The following RAB6A variants were observed in gnomAD, a reference collection of about 807,000 sequenced individuals.
RAB6A encodes RAB6A, member RAS oncogene family.
RAB6A carries 8 observed loss-of-function variants against 32.3 expected under a neutral mutation model. The ratio of observed to expected loss-of-function variants is 0.25; its 90% confidence interval spans 0.15 to 0.45. The LOEUF (loss-of-function observed/expected upper bound fraction) is 0.45, where lower values mean the gene tolerates loss of function less well. Among genes scored for constraint, RAB6A ranks in the 20% least tolerant of loss-of-function variants. The pLI is 1.00. For synonymous variants in RAB6A, 73 were observed against 82.1 expected (o/e 0.89, Z 0.60); for missense variants, 104 against 249.4 (o/e 0.42, Z 3.93).
intron 1 of RAB6A, among the ~76,000 whole-genome samples, chr11:73,749,297 C>T (rs1421060631): frequency 1.3e-5 from 2 of 151,810 alleles, no homozygotes; most frequent in African/African-American, 2.4e-5. Context: ...TTTATATAAG[C>T]GGGAGTTAAG....
chr11:73,696,218 A>T (rs1238828162), intron 6 of RAB6A, among the ~76,000 whole-genome samples: 1 of 151,978 alleles, frequency 6.6e-6, no homozygotes, highest in Admixed American at 6.6e-5. Flanking sequence ...TTTTATTGAG[A>T]CGGAATTTTG....
At chr11:73,699,346 A>G (rs570995707) in intron 6 of RAB6A, among the ~76,000 whole-genome samples, 13 of 151,996 alleles carry the variant, frequency 8.6e-5, no homozygotes, top group Admixed American at 5.2e-4. Context: ...GCAACCTCCA[A>G]CTCCTGGGGT....
intron 6 of RAB6A, among the ~76,000 whole-genome samples, chr11:73,688,507 C>T (rs1042202844): frequency 6.6e-6 from 1 of 152,084 alleles, no homozygotes; most frequent in African/African-American, 2.4e-5. Context: ...GTTCTGGCTC[C>T]GGAGAAATAA....
At chr11:73,689,581 A>G (rs1195913887) in intron 6 of RAB6A, among the ~76,000 whole-genome samples, 1 of 152,126 alleles carries the variant, frequency 6.6e-6, no homozygotes, top group African/African-American at 2.4e-5. Flanking sequence ...CCTCCTTTCT[A>G]TTGATTCCAG....
rs1204847998 is a variant in RAB6A at position 73,685,413 on chromosome 11, C to T, written c.496-5693G>A. 2.7e-5 allele frequency among the ~76,000 whole-genome samples: 4 copies of T among 150,530 alleles called. 1 individual carries two copies. The South Asian group carries it at 8.5e-4, about 32-fold the overall frequency. ...AAGCTGTTCTCCTGCCTCAGCCTCC[C>T]GAGTAGCTGGGACTACAGGTGCCTG... On this transcript the variant is annotated intron_variant, in intron 6 of 7. Transcript: ENST00000336083.
chr11:73,692,104 T>A (rs1205493864), intron 6 of RAB6A, among the ~76,000 whole-genome samples: 1 of 152,082 alleles, frequency 6.6e-6, no homozygotes, highest in Non-Finnish European at 1.5e-5. Context: ...ACAATACTAC[T>A]CAGCAGACCA....
At chr11:73,755,588 C>T (rs530526444) in intron 1 of RAB6A, among the ~76,000 whole-genome samples, 474 of 152,214 alleles carry the variant, frequency 3.1e-3, no homozygotes, top group African/African-American at 0.011. Flanking sequence ...CCACCGCACC[C>T]GGCCTAAATG....
rs1284534560 is a variant in RAB6A, at chr11:73,677,411, T to G, written c.*487A>C. The G allele has an allele frequency of 6.2e-5, 12 of 193,350 alleles. No individual in the cohort carries two copies. The allele number at this position is 193,350 out of a possible 1,614,324, so 12.0% of individuals were successfully genotyped here. On this transcript the variant is annotated 3_prime_UTR_variant, in exon 8 of 8. Coordinates refer to ENST00000336083, the MANE Select transcript of RAB6A (RefSeq NM_198896.2). ...TAAAGGATAATTCCAATGGGCTTGG[T>G]AGAACTGCTGCTTTGCCATCTCTTG...
At chr11:73,751,225 G>A (rs1403922437) in intron 1 of RAB6A, among the ~76,000 whole-genome samples, 1 of 152,070 alleles carries the variant, frequency 6.6e-6, no homozygotes, top group East Asian at 1.9e-4. Context: ...GCTGTAGTAC[G>A]CTATAATCAT....
intron 6 of RAB6A, among the ~76,000 whole-genome samples, chr11:73,700,703 G>T (rs1328956618): frequency 6.7e-6 from 1 of 149,208 alleles, no homozygotes; most frequent in East Asian, 2.0e-4. Context: ...TGAATGGAAT[G>T]AAACACATTT....
At chr11:73,710,828 A>G (rs1945946461) in intron 5 of RAB6A, among the ~76,000 whole-genome samples, 1 of 151,544 alleles carries the variant, frequency 6.6e-6, no homozygotes, top group Admixed American at 6.6e-5. Flanking sequence ...AGCTCACTGT[A>G]ACCTCGAACT....
intron 1 of RAB6A, among the ~76,000 whole-genome samples, chr11:73,742,361 C>T (rs1233976129): frequency 6.6e-6 from 1 of 152,216 alleles, no homozygotes; most frequent in African/African-American, 2.4e-5. Context: ...TTGTCTCAAA[C>T]TCCTGGATTC....
chr11:73,738,869 G>C (rs1056509544), intron 1 of RAB6A, among the ~76,000 whole-genome samples: 1 of 150,364 alleles, frequency 6.7e-6, no homozygotes, highest in African/African-American at 2.5e-5. Flanking sequence ...GCTTGAGCCT[G>C]GGAGTCGGAG....
chr11:73,758,133 C>T (rs1300510708), intron 1 of RAB6A, among the ~76,000 whole-genome samples: 2 of 107,180 alleles, frequency 1.9e-5, no homozygotes, highest in African/African-American at 5.2e-5. Context: ...ATGGAGTCTA[C>T]AGACTTCTAA....
chr11:73,756,217 G>A (rs1946748494), intron 1 of RAB6A, among the ~76,000 whole-genome samples: 1 of 151,828 alleles, frequency 6.6e-6, no homozygotes, highest in African/African-American at 2.4e-5. Context: ...AGCCAGGCGT[G>A]GTGGTGCGTG....
At chr11:73,737,165 T>G (rs1946411542) in intron 1 of RAB6A, among the ~76,000 whole-genome samples, 1 of 152,134 alleles carries the variant, frequency 6.6e-6, no homozygotes, top group Non-Finnish European at 1.5e-5. Flanking sequence ...CATAATGTAC[T>G]TCTAACCCAG....
chr11:73,703,737 T>TA (rs915168133), intron 6 of RAB6A, among the ~76,000 whole-genome samples: 2 of 148,448 alleles, frequency 1.3e-5, no homozygotes, highest in Non-Finnish European at 3.0e-5. Context: ...CAAGACTGTC[T>TA]AAAAAAAACC....
chr11:73,694,346 C>T (rs1445484683), intron 6 of RAB6A, among the ~76,000 whole-genome samples: 1 of 152,160 alleles, frequency 6.6e-6, no homozygotes, highest in African/African-American at 2.4e-5. Context: ...TTAAACAAAT[C>T]TAAGGCTAAA....
rs766202038 is a variant in RAB6A, at chr11:73,707,506, A to T, written c.409T>A (p.Ser137Thr). ...KTDLADKRQV[S>T]IEEGERKAKE... ...GCTTTCCTCTCTCCCTCCTCAATTG[A>T]CACTTGCCTGTAAAGAAACAAACAA... The change falls in exon 6 of 8, where the codon TCA (serine) becomes ACA (threonine). Residue 137 changes from serine to threonine, a missense_variant. Physicochemically the swap from Ser to Thr is moderately conservative, Grantham distance 58 (BLOSUM62 1). Coordinates refer to ENST00000336083, the MANE Select transcript of RAB6A (RefSeq NM_198896.2). The T allele has an allele frequency of 1.3e-5, 21 of 1,609,762 alleles. No homozygotes were observed. The South Asian group carries it at 2.3e-4, about 18-fold the overall frequency.
Sources: allele counts gnomAD v4.1 joint callset (sites outside exome capture counted in the v4.1 genomes callset), GRCh38; gene constraint gnomAD v4.1.1; transcripts MANE v1.5; gene names NCBI Gene and HGNC (gene_info 2026-07-23, HGNC 2026-07-21).